ARHGEF12: variants seen among roughly 807,000 people sequenced by gnomAD.
ARHGEF12 encodes the protein Rho guanine nucleotide exchange factor 12, also known as KMT2A/ARHGEF12 fusion protein.
A neutral mutation model predicts 211.2 loss-of-function variants in ARHGEF12; 66 were observed. The observed-to-expected ratio is 0.31, with a 90% CI of 0.26 to 0.38. ARHGEF12 has a LOEUF of 0.38. Among genes scored for constraint, ARHGEF12 ranks in the 10% least tolerant of loss-of-function variants. The probability of loss-of-function intolerance (pLI) is 1.00; values close to 1 mark genes in which losing one functional copy is unlikely to be tolerated. For synonymous variants in ARHGEF12, 592 were observed against 638.4 expected (o/e 0.93, Z 1.09); for missense variants, 1,429 against 1,869.5 (o/e 0.76, Z 4.34).
In ARHGEF12 at chr11:120,478,329, A is replaced by G. The variant is rs749546164; in HGVS notation, c.3706A>G (p.Ile1236Val). The change falls in exon 37 of 41, where the codon ATC becomes GTC. Residue 1236 changes from isoleucine to valine, a missense_variant. Around this residue, in one of 7 missense-constraint regions of ARHGEF12, gnomAD observed 467 missense variants for 468.4 expected, o/e 1.00. Coordinates refer to ENST00000397843, the MANE Select transcript of ARHGEF12 (RefSeq NM_015313.3). ...AGTTGGAGAAGATTATCAAATCGCA[A>G]TCCCAGATTCACACCTGCCTGTCTC... The part of the protein sequence containing the change: ...KEVGEDYQIA[I>V]PDSHLPVSEE... 2 of 1,614,226 alleles carry G rather than the reference A, an allele frequency of 1.2e-6. No homozygotes were observed. Among genetic ancestry groups the G allele is most frequent in the Non-Finnish European group, 1.7e-6 (2 of 1,180,036 alleles).
rs146499499 is a variant in ARHGEF12 at position 120,384,753 on chromosome 11, G to C, written c.33-21365G>C. Among the ~76,000 whole-genome samples, 400 of 152,236 alleles carry C rather than the reference G, an allele frequency of 2.6e-3. 5 individuals are homozygous for C. The highest frequency in any genetic ancestry group is 0.02 in the Admixed American group (306 of 15,294). On this transcript the variant is annotated intron_variant, in intron 1 of 40. Coordinates refer to ENST00000397843, the MANE Select transcript of ARHGEF12 (RefSeq NM_015313.3). ...TTCAATCCTCCCAGTCTTGCTTACA[G>C]ATTTAATTAGGCTTATTGGGGCAGA... is the stretch of plus-strand genomic sequence containing the variant.
intron 33 of ARHGEF12, 111 bp from the exon 34 acceptor site, chr11:120,476,550 A>G (rs931939408): frequency 3.5e-6 from 2 of 577,806 alleles, no homozygotes; most frequent in Non-Finnish European, 5.7e-6. Flanking sequence ...TAAAGTAAAT[A>G]TATGTAACCT....
At chr11:120,426,085 C>T (rs1043036235) in intron 7 of ARHGEF12, among the ~76,000 whole-genome samples, 1 of 152,092 alleles carries the variant, frequency 6.6e-6, no homozygotes, top group Non-Finnish European at 1.5e-5. Flanking sequence ...CTTTGATCAG[C>T]GTTCTTTAGT....
At chr11:120,370,518 T>C (rs140841551) in intron 1 of ARHGEF12, among the ~76,000 whole-genome samples, 51 of 152,310 alleles carry the variant, frequency 3.3e-4, no homozygotes, top group African/African-American at 1.2e-3. Context: ...GTTTTATTTT[T>C]TTTTAACATT....
At chr11:120,369,039 A>AGT (rs1255771214) in intron 1 of ARHGEF12, among the ~76,000 whole-genome samples, 1 of 151,640 alleles carries the variant, frequency 6.6e-6, no homozygotes, top group Non-Finnish European at 1.5e-5. Flanking sequence ...TTTTGTCCTT[A>AGT]GTGTCTGGCT....
At chr11:120,393,994 A>G (rs1213207995) in intron 1 of ARHGEF12, among the ~76,000 whole-genome samples, 1 of 152,200 alleles carries the variant, frequency 6.6e-6, no homozygotes, top group Non-Finnish European at 1.5e-5. Flanking sequence ...CCATGGACTG[A>G]AATTAGAAAT....
Position 120,414,023 on chromosome 11 carries a change from G to T in ARHGEF12, c.199+4573G>T, listed in dbSNP as rs529506495. Among the ~76,000 whole-genome samples, 72 of 151,670 alleles carry T rather than the reference G, an allele frequency of 4.7e-4. 1 individual carries two copies. Among genetic ancestry groups the T allele is most frequent in the Non-Finnish European group, 2.5e-4 (17 of 67,936 alleles). The stretch of plus-strand genomic sequence containing the variant: ...CATTTTTTTTTCACTTTCAAAATAT[G>T]ATCATTGGTAATTATCTATTGAGTA... On this transcript the variant is annotated intron_variant, in intron 4 of 40. Transcript: ENST00000397843.
At chr11:120,423,883 C>T (rs1945269637) in intron 6 of ARHGEF12, among the ~76,000 whole-genome samples, 1 of 152,122 alleles carries the variant, frequency 6.6e-6, no homozygotes, top group East Asian at 1.9e-4. Context: ...ACATTTTCTA[C>T]ATTTAGCCGG....
At chr11:120,375,706 G>A (rs1392036552) in intron 1 of ARHGEF12, among the ~76,000 whole-genome samples, 1 of 152,060 alleles carries the variant, frequency 6.6e-6, no homozygotes, top group Non-Finnish European at 1.5e-5. Context: ...TACTGAACCA[G>A]TGTTAACATT....
chr11:120,447,947 A>G, intron 19 of ARHGEF12, 41 bp downstream of exon 19: 2 of 1,449,092 alleles, frequency 1.4e-6, no homozygotes, highest in Admixed American at 2.3e-5. Context: ...TTTAAGAAAA[A>G]AAGAACTATG....
In ARHGEF12 at chr11:120,475,394, A is replaced by G. The variant is rs1946999649; in HGVS notation, c.3164A>G (p.Asp1055Gly). ...CTTGTATTGTTACAAAAGCAGGATG[A>G]TAGACTGGTTTTAAGGTGTCATAGT... is the stretch of plus-strand genomic sequence containing the variant. The part of the protein sequence containing the change: ...DILVLLQKQD[D>G]RLVLRCHSKI... Residue 1055 changes from aspartate (D) to glycine (G), a missense_variant, in exon 33 of 41, where the codon GAT (aspartate) becomes GGT (glycine). By Grantham distance (94) the Asp-to-Gly change is moderately conservative. Coordinates refer to ENST00000397843, the MANE Select transcript of ARHGEF12 (RefSeq NM_015313.3). 6.2e-7 allele frequency: 1 copy of G among 1,613,912 alleles called. No homozygotes were observed. The highest frequency in any genetic ancestry group is 1.3e-5 in the African/African-American group (1 of 74,918).
chr11:120,424,011 G>A (rs982637612), intron 6 of ARHGEF12, among the ~76,000 whole-genome samples: 2 of 152,116 alleles, frequency 1.3e-5, no homozygotes, highest in Non-Finnish European at 2.9e-5. Flanking sequence ...TTGACAAATT[G>A]ATGACTTGGT....
In ARHGEF12 at chr11:120,428,173, C is replaced by G. The variant is rs1945410353; in HGVS notation, c.511C>G (p.Pro171Ala). The stretch of plus-strand genomic sequence containing the variant: ...GCCGTCAGTCATTGGACATATGTCT[C>G]CCATCATGACATCTCCTCATTCACC... ...VEPSVIGHMSPIMTSPHSPGA... is the reference protein window; with the variant it reads ...VEPSVIGHMSAIMTSPHSPGA... The change falls in exon 8 of 41, where the codon CCC becomes GCC. Residue 171 changes from proline (P) to alanine (A), a missense_variant. By Grantham distance (27) the Pro-to-Ala change is conservative. Around this residue, in one of 7 missense-constraint regions of ARHGEF12, gnomAD observed 254 missense variants for 286.4 expected, o/e 0.89. Coordinates refer to ENST00000397843, the MANE Select transcript of ARHGEF12 (RefSeq NM_015313.3). 3 of 1,611,806 alleles carry G rather than the reference C, an allele frequency of 1.9e-6. No individual in the cohort carries two copies. In the East Asian group the frequency reaches 6.7e-5, roughly 36 times the overall value.
chr11:120,421,804 T>C lies in ARHGEF12; in HGVS notation c.300T>C (p.Asp100=). The change falls in exon 6 of 41, where the codon GAT becomes GAC. Residue 100 remains aspartate (D), a splice_region_variant and synonymous_variant. Coordinates refer to ENST00000397843, the MANE Select transcript of ARHGEF12 (RefSeq NM_015313.3). Reference sequence around the variant, plus strand: ...TTAAGCAATTAATTTCTCATACAGATGGAGCAGCCATGCGGGCTGGAGTAC... The same window carrying C: ...TTAAGCAATTAATTTCTCATACAGACGGAGCAGCCATGCGGGCTGGAGTAC... ...NPVFVQSVKE[D]GAAMRAGVQT... is the part of the protein sequence containing the mutation. The C allele has an allele frequency of 6.2e-7, 1 of 1,610,072 alleles. No homozygotes were observed.
chr11:120,365,880 C>T (rs993493322), intron 1 of ARHGEF12: 3 of 151,622 alleles, frequency 2.0e-5, no homozygotes, highest in African/African-American at 4.8e-5. Context: ...GTTAACACTT[C>T]CAACACCAAC....
chr11:120,443,723 T>C (rs1453222184), intron 15 of ARHGEF12, among the ~76,000 whole-genome samples: 6 of 152,344 alleles, frequency 3.9e-5, no homozygotes, highest in African/African-American at 1.4e-4. Context: ...GTCAGTCTTC[T>C]GTGCCTGCAG....
intron 6 of ARHGEF12, among the ~76,000 whole-genome samples, chr11:120,423,570 A>G (rs1426683882): frequency 2.0e-5 from 3 of 152,118 alleles, no homozygotes; most frequent in Non-Finnish European, 2.9e-5. Flanking sequence ...TTATTGAAAG[A>G]TAGCTGCCGT....
intron 6 of ARHGEF12, among the ~76,000 whole-genome samples, chr11:120,423,663 G>A (rs909975547): frequency 1.3e-5 from 2 of 152,038 alleles, no homozygotes; most frequent in Non-Finnish European, 2.9e-5. Flanking sequence ...TTTGGTGTGT[G>A]TATACTAGAA....
chr11:120,399,338 A>AAAAAAAAAAAAAAAAAAAAAAAAAAAG (rs1944487096), intron 1 of ARHGEF12, among the ~76,000 whole-genome samples: 1 of 147,180 alleles, frequency 6.8e-6, no homozygotes, highest in African/African-American at 2.5e-5. Flanking sequence ...AAAAAAAAAA[A>AAAAAAAAAAAAAAAAAAAAAAAAAAAG]AAAAAAAAAA....
Sources: gnomAD v4.1 joint callset for allele counts (sites outside exome capture counted in the v4.1 genomes callset) on GRCh38, gnomAD v4.1.1 for gene constraint, gnomAD v4.1.1 regional missense constraint, MANE v1.5 for transcripts, NCBI Gene and HGNC (gene_info 2026-07-23, HGNC 2026-07-21) for gene names.